PITRM1: variants seen among roughly 807,000 people sequenced by gnomAD.
PITRM1 encodes the protein presequence protease, mitochondrial.
Under a neutral mutation model 129.9 loss-of-function variants are expected in PITRM1, and 100 were observed. That is an observed-to-expected ratio of 0.77 (90% CI 0.65 to 0.91). The LOEUF (loss-of-function observed/expected upper bound fraction) is 0.91, where lower values mean the gene tolerates loss of function less well. Ranked by LOEUF, PITRM1 falls within the 40% of genes least tolerant of loss-of-function variation. PITRM1 has a pLI of 0.00. For synonymous variants in PITRM1, 591 were observed against 508.8 expected (o/e 1.16, Z -2.17); for missense variants, 1,471 against 1,318.3 (o/e 1.12, Z -1.79).
At position 3,166,391 on chromosome 10, in the gene PITRM1, A is replaced by AGAGGAATGGTACGCTAGGGAAGGC; in HGVS notation, c.267-12_267-11insGCCTTCCCTAGCGTACCATTCCTC. 2.9e-6 allele frequency: 4 copies of AGAGGAATGGTACGCTAGGGAAGGC among 1,394,878 alleles called. No homozygotes were observed. Among genetic ancestry groups the AGAGGAATGGTACGCTAGGGAAGGC allele is most frequent in the Non-Finnish European group, 4.0e-6 (4 of 999,982 alleles). The allele number at this position is 1,394,878 out of a possible 1,614,324, so 86.4% of individuals were successfully genotyped here. A position where few individuals can be genotyped will look rare whatever the true frequency, so the allele number is the denominator to read the frequency against. The stretch of plus-strand genomic sequence containing the variant: ...GTACGGAACTGCACGCTAGGGAAGG[A>AGAGGAATGGTACGCTAGGGAAGGC]GAATGACCAGAACGCAAAAGGTTCA... On this transcript the variant is annotated splice_polypyrimidine_tract_variant and intron_variant, in intron 3 of 26. Coordinates refer to ENST00000224949, the MANE Select transcript of PITRM1 (RefSeq NM_014889.4).
At chr10:3,147,530 T>TG in intron 19 of PITRM1, 42 bp downstream of exon 19, 1 of 1,590,314 alleles carries the variant, frequency 6.3e-7, no homozygotes, top group Non-Finnish European at 8.6e-7. Context: ...CTGGAATATG[T>TG]GGCTAAACCG....
Position 3,165,269 on chromosome 10 carries a change from C to T in PITRM1, c.599G>A (p.Gly200Glu). The change falls in exon 6 of 27, where the codon GGA becomes GAA. Residue 200 changes from glycine (G) to glutamate (E), a missense_variant. Gly to Glu is a moderately conservative substitution (Grantham distance 98). Transcript: ENST00000224949. The part of the protein sequence containing the change: ...SDPQTPLVFK[G>E]VVFNEMKGAF... ...TCCCTTCATCTCATTAAAGACGACT[C>T]CTTTAAAGACCAAGGGCGTCTGGGG... The T allele has an allele frequency of 6.3e-7, 1 of 1,580,982 alleles. No homozygotes were observed. Among genetic ancestry groups the T allele is most frequent in the Non-Finnish European group, 8.6e-7 (1 of 1,163,834 alleles).
At chr10:3,158,268 G>A in intron 10 of PITRM1, 115 bp from the exon 11 acceptor site, 1 of 664,730 alleles carries the variant, frequency 1.5e-6, no homozygotes, top group Middle Eastern at 2.4e-4. Flanking sequence ...CCCCTCCACT[G>A]AAAAGCTCAT....
At chr10:3,172,446 G>A (rs1003206921) in intron 1 of PITRM1, among the ~76,000 whole-genome samples, 1 of 152,186 alleles carries the variant, frequency 6.6e-6, no homozygotes, top group African/African-American at 2.4e-5. Context: ...TAAAGCCCAC[G>A]CTAATGGAGG....
Position 3,149,620 on chromosome 10 carries a change from C to T in PITRM1, c.1871+1G>A, listed in dbSNP as rs1037212171. ...ACACAAGGGTATGTTGCGACTCGTA[C>T]TTGGTGAGGACGCTGCAGAAGAGGG... On this transcript the variant is annotated splice_donor_variant, in intron 16 of 26. Coordinates refer to ENST00000224949, the MANE Select transcript of PITRM1 (RefSeq NM_014889.4). LOFTEE classifies it high-confidence loss of function. 6.4e-7 allele frequency: 1 copy of T among 1,555,306 alleles called. No individual in the cohort carries two copies.
At chr10:3,155,486 C>G in intron 14 of PITRM1, 105 bp downstream of exon 14, 2 of 1,415,730 alleles carry the variant, frequency 1.4e-6, no homozygotes, top group South Asian at 2.6e-5. Flanking sequence ...CCAGCGGACA[C>G]CTGTTGGTTG....
At chr10:3,160,580 C>T (rs930152409) in intron 7 of PITRM1, among the ~76,000 whole-genome samples, 4 of 152,006 alleles carry the variant, frequency 2.6e-5, no homozygotes, top group Non-Finnish European at 5.9e-5. Flanking sequence ...GTTAACCTCT[C>T]GCTGTGCCTA....
At chr10:3,148,352 A>C in intron 16 of PITRM1, 61 bp from the exon 17 acceptor site, 1 of 1,526,586 alleles carries the variant, frequency 6.6e-7, no homozygotes, top group African/African-American at 1.4e-5. Context: ...TCATTTTTAA[A>C]ATCGTGCATC....
rs1298275310 is a variant in PITRM1 at position 3,138,948 on chromosome 10, G to A, written c.2873C>T (p.Ser958Phe). 1 of 1,613,682 alleles carries A rather than the reference G, an allele frequency of 6.2e-7. No individual in the cohort carries two copies. Among genetic ancestry groups the A allele is most frequent in the South Asian group, 1.1e-5 (1 of 91,060 alleles). ...TQQDIDEAKL[S>F]VFSTVDAPVA... Reference sequence around the variant, plus strand: ...AGGAGCATCTACGGTTGAGAAGACAGAAAGTTTGGCTTCGTCGATGTCTTG... The same window carrying A: ...AGGAGCATCTACGGTTGAGAAGACAAAAAGTTTGGCTTCGTCGATGTCTTG... The change falls in exon 25 of 27, where the codon TCT becomes TTT. Residue 958 changes from serine to phenylalanine, a missense_variant. Physicochemically the swap from Ser to Phe is radical, Grantham distance 155. Coordinates refer to ENST00000224949, the MANE Select transcript of PITRM1 (RefSeq NM_014889.4).
At chr10:3,158,222 G>C (rs982221824) in intron 10 of PITRM1, 69 bp from the exon 11 acceptor site, 61 of 866,802 alleles carry the variant, frequency 7.0e-5, no homozygotes, top group Middle Eastern at 6.4e-4. Context: ...TAATATGCTT[G>C]ATTTAAAGAT....
chr10:3,156,875 A>T (rs1396229452), intron 13 of PITRM1, 55 bp downstream of exon 13: 15 of 1,159,930 alleles, frequency 1.3e-5, no homozygotes, highest in Middle Eastern at 4.2e-4. Flanking sequence ...TATTCCTTTC[A>T]TTAGTATAAA....
Position 3,157,969 on chromosome 10 carries a change from G to T in PITRM1, c.1250+71C>A, listed in dbSNP as rs1842112256. The T allele has an allele frequency of 2.9e-5, 26 of 910,624 alleles. No homozygotes were observed. The South Asian group carries it at 3.3e-4, about 12-fold the overall frequency. 56.4% of individuals were successfully genotyped at this position (910,624 alleles called of 1,614,324 possible). A position where few individuals can be genotyped will look rare whatever the true frequency, so the allele number is the denominator to read the frequency against. ...AAGGAAGGCCGAAACAATGGATCAG[G>T]CTCAGCTTCTCCCAAAAAGCACACA... is the stretch of plus-strand genomic sequence containing the variant. On this transcript the variant is annotated intron_variant, in intron 11 of 26. Transcript: ENST00000224949.
At chr10:3,146,273 T>C (rs1840852934) in intron 20 of PITRM1, 1 of 153,766 alleles carries the variant, frequency 6.5e-6, no homozygotes, top group African/African-American at 2.4e-5. Flanking sequence ...CAGCTGTAAA[T>C]CCTGAACTTA....
intron 2 of PITRM1, 41 bp downstream of exon 2, chr10:3,170,063 T>C (rs988934612): frequency 7.7e-6 from 11 of 1,429,140 alleles, no homozygotes; most frequent in Non-Finnish European, 1.1e-5. Context: ...GCACCTGCAA[T>C]GTATGTGGAT....
At chr10:3,157,158 T>C in intron 12 of PITRM1, 94 bp from the exon 13 acceptor site, 1 of 1,111,612 alleles carries the variant, frequency 9.0e-7, no homozygotes, top group Non-Finnish European at 1.3e-6. Context: ...CTAGTTTCTG[T>C]ATTTAAATAT....
intron 4 of PITRM1, 69 bp from the exon 5 acceptor site, chr10:3,165,596 C>T: frequency 2.2e-6 from 2 of 922,678 alleles, no homozygotes; most frequent in South Asian, 1.4e-5. Context: ...ACTCTCAAGA[C>T]TCATTCCCCC....
intron 14 of PITRM1, among the ~76,000 whole-genome samples, chr10:3,152,804 G>A (rs1425569815): frequency 2.0e-5 from 3 of 152,226 alleles, no homozygotes; most frequent in Non-Finnish European, 2.9e-5. Flanking sequence ...GCCCACCTGC[G>A]CTAGAGCACG....
At chr10:3,144,435 G>C (rs1840629646) in intron 21 of PITRM1, 69 bp from the exon 22 acceptor site, 9 of 914,958 alleles carry the variant, frequency 9.8e-6, no homozygotes, top group Non-Finnish European at 1.5e-5. Flanking sequence ...AGAAGTAACA[G>C]AGTTTATAAA....
chr10:3,159,989 T>G (rs1842314704), intron 8 of PITRM1, 53 bp from the exon 9 acceptor site: 1 of 1,334,440 alleles, frequency 7.5e-7, no homozygotes, highest in East Asian at 2.4e-5. Flanking sequence ...GGTTGTCAAC[T>G]ACTCTAGGTT....
Sources: gnomAD v4.1 joint callset for allele counts (sites outside exome capture counted in the v4.1 genomes callset) on GRCh38, gnomAD v4.1.1 for gene constraint, MANE v1.5 for transcripts, NCBI Gene and HGNC (gene_info 2026-07-23, HGNC 2026-07-21) for gene names.